ADGRL2: variants seen among roughly 807,000 people sequenced by gnomAD.
ADGRL2 encodes the protein calcium-independent alpha-latrotoxin receptor 2.
ADGRL2 carries 44 observed loss-of-function variants against 157.4 expected under a neutral mutation model. That is an observed-to-expected ratio of 0.28 (90% CI 0.22 to 0.36). ADGRL2 has a LOEUF of 0.36. Ranked by LOEUF, ADGRL2 falls within the 10% of genes least tolerant of loss-of-function variation. ADGRL2 has a pLI of 1.00. For missense variants in ADGRL2, 1,510 were observed against 1,768.9 expected, an observed-to-expected ratio of 0.85 and a Z score of 2.63; for synonymous variants, 585 against 624.7, an observed-to-expected ratio of 0.94 and a Z score of 0.95.
chr1:81,691,327 C>CT (rs35147386), intron 3 of ADGRL2, among the ~76,000 whole-genome samples: 54 of 61,166 alleles, frequency 8.8e-4, no homozygotes, highest in Non-Finnish European at 1.3e-3. Context: ...TGCTTGTTTT[C>CT]TTTTTTTTTT....
intron 1 of ADGRL2, among the ~76,000 whole-genome samples, chr1:81,705,131 C>A (rs796459729): frequency 3.3e-4 from 50 of 152,264 alleles, no homozygotes; most frequent in African/African-American, 1.1e-3. Flanking sequence ...CGGCTCACTG[C>A]AACCTCCACC....
At chr1:81,557,255 C>G (rs902249107) in intron 2 of ADGRL2, 1 of 197,726 alleles carries the variant, frequency 5.1e-6, no homozygotes, top group African/African-American at 2.4e-5. Context: ...AGCGGCTCAG[C>G]TTTATCAAGT....
At chr1:81,675,382 T>C (rs1009613726) in intron 3 of ADGRL2, among the ~76,000 whole-genome samples, 16 of 152,336 alleles carry the variant, frequency 1.1e-4, no homozygotes, top group African/African-American at 3.8e-4. Context: ...TGAAAACTTA[T>C]GTTATTCTAC....
chr1:81,591,044 A>G (rs914554610), intron 3 of ADGRL2, among the ~76,000 whole-genome samples: 1 of 152,160 alleles, frequency 6.6e-6, no homozygotes, highest in Non-Finnish European at 1.5e-5. Flanking sequence ...CAGGCCATCA[A>G]TTCCCTAGCT....
chr1:81,967,537 A>T (rs1657494638), intron 13 of ADGRL2, among the ~76,000 whole-genome samples: 1 of 152,178 alleles, frequency 6.6e-6, no homozygotes, highest in Non-Finnish European at 1.5e-5. Context: ...CTGGGATTAC[A>T]GGCGTGAGCC....
Position 81,448,832 on chromosome 1 carries a change from T to G in ADGRL2, c.-248+3743T>G, listed in dbSNP as rs1400042197. On this transcript the variant is annotated intron_variant, in intron 2 of 24. Coordinates refer to the ADGRL2 transcript ENST00000370721. The stretch of plus-strand genomic sequence containing the variant: ...TCTTACCCACTAGATATTTGGAGAC[T>G]ATTTTTCTTACCATTTAACTAATTT... Among the ~76,000 whole-genome samples, 3 of 152,318 alleles carry G rather than the reference T, an allele frequency of 2.0e-5. No individual in the cohort carries two copies. The East Asian group carries it at 5.8e-4, about 29-fold the overall frequency.
chr1:81,727,666 C>T (rs2084580948), intron 1 of ADGRL2, among the ~76,000 whole-genome samples: 1 of 152,078 alleles, frequency 6.6e-6, no homozygotes, highest in Non-Finnish European at 1.5e-5. Context: ...CTCCTGACCT[C>T]ATGATCCGTC....
intron 2 of ADGRL2, among the ~76,000 whole-genome samples, chr1:81,482,714 G>T (rs904128639): frequency 5.4e-4 from 82 of 151,836 alleles, no homozygotes; most frequent in African/African-American, 2.0e-3. Flanking sequence ...ATTAGATAGG[G>T]TTCCATTTGT....
intron 2 of ADGRL2, among the ~76,000 whole-genome samples, chr1:81,859,598 G>A (rs764067571): frequency 6.6e-6 from 1 of 151,802 alleles, no homozygotes; most frequent in Non-Finnish European, 1.5e-5. Context: ...TGTAGACACA[G>A]GGTCTTGCCA....
At chr1:81,361,434 C>G (rs2075976939) in intron 1 of ADGRL2, among the ~76,000 whole-genome samples, 1 of 151,852 alleles carries the variant, frequency 6.6e-6, no homozygotes, top group Non-Finnish European at 1.5e-5. Flanking sequence ...TTGACAAATT[C>G]TATCAGAGTC....
At chr1:81,780,896 C>G (rs1004330946) in intron 2 of ADGRL2, among the ~76,000 whole-genome samples, 1 of 152,112 alleles carries the variant, frequency 6.6e-6, no homozygotes, top group Admixed American at 6.5e-5. Context: ...TCCCTAAGAC[C>G]AGGGTGGTAA....
intron 1 of ADGRL2, among the ~76,000 whole-genome samples, chr1:81,414,846 T>C (rs1294591607): frequency 6.6e-6 from 1 of 152,194 alleles, no homozygotes; most frequent in Non-Finnish European, 1.5e-5. Context: ...ACAAGACTTT[T>C]TATAATTCGA....
intron 2 of ADGRL2, among the ~76,000 whole-genome samples, chr1:81,450,535 G>C (rs966998262): frequency 1.3e-5 from 2 of 152,046 alleles, no homozygotes; most frequent in African/African-American, 4.8e-5. Flanking sequence ...CTCTGAGACC[G>C]AAGGCTGTGC....
intron 2 of ADGRL2, among the ~76,000 whole-genome samples, chr1:81,508,788 T>A (rs2079025122): frequency 6.6e-6 from 1 of 152,210 alleles, no homozygotes; most frequent in African/African-American, 2.4e-5. Flanking sequence ...TCAACATTGT[T>A]CCTTCATTAA....
intron 2 of ADGRL2, among the ~76,000 whole-genome samples, chr1:81,489,975 G>A (rs2078594279): frequency 6.6e-6 from 1 of 151,704 alleles, no homozygotes; most frequent in South Asian, 2.1e-4. Flanking sequence ...AGTCTTCCAG[G>A]GTGAAATGAG....
At chr1:81,442,446 TAAAG>T (rs1447019400) in intron 1 of ADGRL2, among the ~76,000 whole-genome samples, 1 of 152,178 alleles carries the variant, frequency 6.6e-6, no homozygotes, top group Non-Finnish European at 1.5e-5. Context: ...AATCATGAAA[TAAAG>T]AAATTGGCAA....
At chr1:81,348,817 A>C (rs1170954351) in intron 1 of ADGRL2, among the ~76,000 whole-genome samples, 1 of 152,230 alleles carries the variant, frequency 6.6e-6, no homozygotes, top group Non-Finnish European at 1.5e-5. Context: ...TACATTATAT[A>C]AACCAACCAT....
intron 1 of ADGRL2, among the ~76,000 whole-genome samples, chr1:81,719,063 A>G (rs1427875432): frequency 1.3e-5 from 2 of 152,198 alleles, no homozygotes; most frequent in Non-Finnish European, 2.9e-5. Context: ...GTTTTGGAAA[A>G]CTGCAGATTA....
chr1:81,595,895 G>A (rs190968685), intron 3 of ADGRL2, among the ~76,000 whole-genome samples: 6 of 152,252 alleles, frequency 3.9e-5, no homozygotes, highest in Admixed American at 6.5e-5. Flanking sequence ...AGAGCAAGGC[G>A]CCAGCAGATT....
Sources: gnomAD v4.1 joint callset for allele counts (sites outside exome capture counted in the v4.1 genomes callset) on GRCh38, gnomAD v4.1.1 for gene constraint, MANE v1.5 for transcripts, NCBI Gene and HGNC (gene_info 2026-07-23, HGNC 2026-07-21) for gene names.